Variants in RBFOX2 observed in about 807,000 individuals in gnomAD.
RBFOX2 encodes RNA binding protein fox-1 homolog 2.
Under a neutral mutation model 49.1 loss-of-function variants are expected in RBFOX2, and 10 were observed. The observed-to-expected ratio is 0.20, with a 90% CI of 0.13 to 0.35. The LOEUF (loss-of-function observed/expected upper bound fraction) is 0.35. Ranked by LOEUF, RBFOX2 falls within the 10% of genes least tolerant of loss-of-function variation. The probability of loss-of-function intolerance (pLI) is 1.00; values close to 1 mark genes in which losing one functional copy is unlikely to be tolerated. For missense variants in RBFOX2, 323 were observed against 486.9 expected, an observed-to-expected ratio of 0.66 and a Z score of 3.17; for synonymous variants, 183 against 187.4, an observed-to-expected ratio of 0.98 and a Z score of 0.19.
intron 1 of RBFOX2, among the ~76,000 whole-genome samples, chr22:35,917,249 G>A (rs376183420): frequency 2.0e-5 from 3 of 152,180 alleles, no homozygotes; most frequent in East Asian, 1.9e-4. Context: ...GTACTGAAAG[G>A]GGTCTCAGTA....
intron 1 of RBFOX2, among the ~76,000 whole-genome samples, chr22:35,937,907 G>A (rs1470454902): frequency 6.6e-6 from 1 of 152,126 alleles, no homozygotes; most frequent in Non-Finnish European, 1.5e-5. Flanking sequence ...TAGTTTTTAA[G>A]ATCCACTTCA....
intron 2 of RBFOX2, among the ~76,000 whole-genome samples, chr22:35,804,740 T>TA (rs564015595): frequency 1.9e-4 from 29 of 150,576 alleles, no homozygotes; most frequent in African/African-American, 5.6e-4. Flanking sequence ...CCAGCAGGCC[T>TA]AAAAAAAAAT....
intron 1 of RBFOX2, among the ~76,000 whole-genome samples, chr22:35,865,913 A>C (rs1280898280): frequency 6.6e-6 from 1 of 152,212 alleles, no homozygotes; most frequent in Non-Finnish European, 1.5e-5. Flanking sequence ...TCAAGGAAAA[A>C]AATTAAAATT....
chr22:35,985,326 C>T (rs951220216), intron 1 of RBFOX2, among the ~76,000 whole-genome samples: 1 of 152,204 alleles, frequency 6.6e-6, no homozygotes, highest in African/African-American at 2.4e-5. Context: ...CAGCAAATCT[C>T]TTCCTCTCTT....
intron 1 of RBFOX2, among the ~76,000 whole-genome samples, chr22:35,862,322 A>G (rs2043182792): frequency 6.7e-6 from 1 of 149,392 alleles, no homozygotes; most frequent in East Asian, 2.0e-4. Context: ...TAAAATAATG[A>G]ATTCTTGTCC....
intron 1 of RBFOX2, among the ~76,000 whole-genome samples, chr22:35,925,998 G>T (rs975779603): frequency 6.6e-6 from 1 of 152,210 alleles, no homozygotes; most frequent in African/African-American, 2.4e-5. Context: ...AACCCTAGAT[G>T]AGATCAGTAT....
intron 1 of RBFOX2, among the ~76,000 whole-genome samples, chr22:35,977,741 T>C (rs1401643925): frequency 1.4e-5 from 2 of 137,964 alleles, no homozygotes; most frequent in African/African-American, 5.4e-5. Flanking sequence ...TATATATATA[T>C]ATATATATAT....
chr22:35,838,434 G>A (rs1440641043), intron 1 of RBFOX2, among the ~76,000 whole-genome samples: 13 of 151,990 alleles, frequency 8.6e-5, no homozygotes, highest in African/African-American at 2.2e-4. Context: ...AGAGGTGATC[G>A]GCGATCAGAG....
intron 1 of RBFOX2, among the ~76,000 whole-genome samples, chr22:35,959,194 A>C (rs2055929150): frequency 6.6e-6 from 1 of 152,194 alleles, no homozygotes; most frequent in Non-Finnish European, 1.5e-5. Flanking sequence ...TAGATAATTG[A>C]TATACATTAT....
intron 1 of RBFOX2, among the ~76,000 whole-genome samples, chr22:35,846,371 C>T (rs1199385804): frequency 7.6e-6 from 1 of 131,356 alleles, no homozygotes; most frequent in African/African-American, 2.9e-5. Context: ...TGTGTGTGTA[C>T]TGCTTAACAC....
intron 2 of RBFOX2, among the ~76,000 whole-genome samples, chr22:35,807,721 G>A (rs775052030): frequency 7.3e-5 from 11 of 150,066 alleles, no homozygotes; most frequent in Non-Finnish European, 1.6e-4. Context: ...GCAAGTAGAA[G>A]AAAGAAATAA....
Position 35,828,623 on chromosome 22 carries a change from C to T in RBFOX2, c.27+11569G>A, listed in dbSNP as rs117469025. 8.5e-5 allele frequency among the ~76,000 whole-genome samples: 13 copies of T among 152,320 alleles called. No homozygotes were observed. The East Asian group carries it at 2.5e-3, about 29-fold the overall frequency. ...ACACAGTGCCAAGAATAATCCTGTT[C>T]TTAACAGCCAGAGTGGAAAACCTAA... On this transcript the variant is annotated intron_variant, in intron 1 of 11. Transcript: ENST00000405409.
At chr22:35,964,600 T>G (rs2056448146), upstream of RBFOX2, among the ~76,000 whole-genome samples, 1 of 152,252 alleles carries the variant, frequency 6.6e-6, no homozygotes, top group Non-Finnish European at 1.5e-5. Flanking sequence ...CTACACAGTC[T>G]ATTTGTTGGT....
chr22:35,931,530 T>G (rs1481827503), intron 1 of RBFOX2, among the ~76,000 whole-genome samples: 1 of 152,036 alleles, frequency 6.6e-6, no homozygotes, highest in Non-Finnish European at 1.5e-5. Context: ...ATCCCAGCAC[T>G]TTGGGAGGTT....
intron 1 of RBFOX2, among the ~76,000 whole-genome samples, chr22:35,895,010 C>T (rs868093675): frequency 1.3e-4 from 19 of 151,660 alleles, no homozygotes; most frequent in African/African-American, 4.6e-4. Context: ...CTGGTCTCCT[C>T]CCCCCTCCGC....
chr22:35,901,116 T>C (rs1270895980), intron 1 of RBFOX2, among the ~76,000 whole-genome samples: 3 of 152,252 alleles, frequency 2.0e-5, no homozygotes, highest in East Asian at 1.9e-4. Flanking sequence ...CTGTTATCTT[T>C]TTCACAGATC....
chr22:35,979,312 A>G (rs562727959), intron 1 of RBFOX2, among the ~76,000 whole-genome samples: 1 of 152,182 alleles, frequency 6.6e-6, no homozygotes, highest in Non-Finnish European at 1.5e-5. Context: ...AAGATACCGG[A>G]CCAAAAAGGA....
chr22:35,995,510 A>C (rs1603463886), intron 1 of RBFOX2: 1 of 152,240 alleles, frequency 6.6e-6, no homozygotes, highest in South Asian at 2.1e-4. Context: ...ATCTCATCTC[A>C]AATTGTAATC....
intron 1 of RBFOX2, among the ~76,000 whole-genome samples, chr22:35,947,048 G>A (rs942638472): frequency 2.0e-5 from 3 of 152,070 alleles, no homozygotes; most frequent in East Asian, 1.9e-4. Context: ...AAAATTAGCC[G>A]GGTGTGGTGG....
Sources: gnomAD v4.1 joint callset for allele counts (sites outside exome capture counted in the v4.1 genomes callset) on GRCh38, gnomAD v4.1.1 for gene constraint, MANE v1.5 for transcripts, NCBI Gene and HGNC (gene_info 2026-07-23, HGNC 2026-07-21) for gene names.